The following MARK1 variants were observed in gnomAD, a reference collection of about 807,000 sequenced individuals.
The protein encoded by MARK1 is serine/threonine-protein kinase MARK1.
A neutral mutation model predicts 96.3 loss-of-function variants in MARK1; 40 were observed. The ratio of observed to expected loss-of-function variants is 0.42; its 90% confidence interval spans 0.32 to 0.54. MARK1 has a LOEUF of 0.54. MARK1 is among the 20% of genes least tolerant of loss of function. The pLI is 0.16. For synonymous variants in MARK1, 317 were observed against 341.2 expected (o/e 0.93, Z 0.78); for missense variants, 719 against 984.6 (o/e 0.73, Z 3.61).
intron 3 of MARK1, among the ~76,000 whole-genome samples, chr1:220,597,659 A>G (rs141889432): frequency 6.6e-6 from 1 of 152,302 alleles, no homozygotes; most frequent in East Asian, 1.9e-4. Context: ...AAATTGCTTT[A>G]TTTGGAAGCT....
chr1:220,634,040 C>G (rs1168202849), intron 11 of MARK1, among the ~76,000 whole-genome samples: 1 of 152,230 alleles, frequency 6.6e-6, no homozygotes, highest in East Asian at 1.9e-4. Flanking sequence ...GTGAACCTAC[C>G]AGGTAGGTAC....
intron 3 of MARK1, among the ~76,000 whole-genome samples, chr1:220,591,131 C>A (rs906938538): frequency 2.6e-5 from 4 of 152,172 alleles, no homozygotes; most frequent in African/African-American, 9.7e-5. Context: ...AACGGAATAA[C>A]TGCATTCCAG....
chr1:220,617,010 G>A (rs1338933170), intron 7 of MARK1, among the ~76,000 whole-genome samples: 1 of 152,116 alleles, frequency 6.6e-6, no homozygotes, highest in African/African-American at 2.4e-5. Context: ...TCTCTTCTGA[G>A]GCAGCTTGGA....
At chr1:220,607,325 T>A (rs1666142588) in intron 6 of MARK1, among the ~76,000 whole-genome samples, 1 of 152,128 alleles carries the variant, frequency 6.6e-6, no homozygotes, top group South Asian at 2.1e-4. Context: ...TCTCTGTTTG[T>A]CTGTTATTGG....
intron 5 of MARK1, among the ~76,000 whole-genome samples, chr1:220,602,665 A>G (rs1572157838): frequency 6.6e-6 from 1 of 152,152 alleles, no homozygotes; most frequent in African/African-American, 2.4e-5. Context: ...AACTACTATG[A>G]TGAGTCAACT....
chr1:220,589,744 A>G (rs1348457233), intron 3 of MARK1, among the ~76,000 whole-genome samples: 1 of 152,228 alleles, frequency 6.6e-6, no homozygotes, highest in Non-Finnish European at 1.5e-5. Flanking sequence ...TCTTTTACTA[A>G]ATTTACATTT....
chr1:220,548,755 C>G lies in MARK1; in HGVS notation c.51+19882C>G, dbSNP rs1271773682. The stretch of plus-strand genomic sequence containing the variant: ...TGGGTGGACAGTAAGACTCCCATCT[C>G]AGAAAAAAAATATAATAATAATAAT... On this transcript the variant is annotated intron_variant, in intron 1 of 17. Transcript: ENST00000366917. 2.0e-5 allele frequency among the ~76,000 whole-genome samples: 3 copies of G among 151,304 alleles called. No homozygotes were observed. In the East Asian group the frequency reaches 5.8e-4, roughly 29 times the overall value.
chr1:220,566,319 A>G (rs1663055153), intron 1 of MARK1, among the ~76,000 whole-genome samples: 2 of 152,288 alleles, frequency 1.3e-5, no homozygotes, highest in South Asian at 4.1e-4. Flanking sequence ...AAGAACCACC[A>G]TTTAAGGCAT....
chr1:220,626,975 A>T, intron 9 of MARK1: 1 of 516,448 alleles, frequency 1.9e-6, no homozygotes, highest in South Asian at 1.6e-5. Flanking sequence ...GGATACAGAG[A>T]TCCCTAATGA....
intron 3 of MARK1, among the ~76,000 whole-genome samples, chr1:220,587,333 C>G (rs36088631): frequency 4.7e-5 from 3 of 63,652 alleles, no homozygotes; most frequent in South Asian, 5.7e-4. Flanking sequence ...CTTTCTTTCT[C>G]TCTCTCTCTC....
In MARK1 at chr1:220,631,104, G is replaced by A. The variant is rs748437550; in HGVS notation, c.979G>A (p.Asp327Asn). The A allele has an allele frequency of 3.7e-6, 6 of 1,612,618 alleles. No homozygotes were observed. In the African/African-American group the frequency reaches 8.0e-5, roughly 22 times the overall value. ...EEELKPYTEPDPDFNDTKRID... is the reference protein window; with the variant it reads ...EEELKPYTEPNPDFNDTKRID... ...AGAACTAAAGCCATATACTGAGCCT[G>A]ATCCGGATTTCAATGACACAAAAAG... Residue 327 changes from aspartate (D) to asparagine (N), a missense_variant, in exon 10 of 18, where the codon GAT (aspartate) becomes AAT (asparagine). Asp to Asn is a conservative substitution (Grantham distance 23). Around this residue, in one of 4 missense-constraint regions of MARK1, gnomAD observed 501 missense variants for 588.3 expected, o/e 0.85. Transcript: ENST00000366917.
intron 6 of MARK1, among the ~76,000 whole-genome samples, chr1:220,610,369 G>A (rs746135307): frequency 6.6e-6 from 1 of 152,212 alleles, no homozygotes; most frequent in Middle Eastern, 3.4e-3. Flanking sequence ...CTTGCATCAC[G>A]AAGTTCTCGC....
chr1:220,658,737 A>T (rs1437547347), intron 17 of MARK1, among the ~76,000 whole-genome samples: 2 of 152,242 alleles, frequency 1.3e-5, no homozygotes, highest in African/African-American at 2.4e-5. Flanking sequence ...AATATAAAAC[A>T]TAATTAACTT....
chr1:220,528,925 A>T (rs780522125), intron 1 of MARK1, 52 bp downstream of exon 1: 1 of 1,497,754 alleles, frequency 6.7e-7, no homozygotes. Flanking sequence ...CCCTCCTCTG[A>T]TCCCCACTTC....
chr1:220,542,561 TG>T (rs1661217060), intron 1 of MARK1, among the ~76,000 whole-genome samples: 2 of 152,286 alleles, frequency 1.3e-5, no homozygotes, highest in Non-Finnish European at 2.9e-5. Context: ...CCTACTGACG[TG>T]GGGCACTTTA....
At chr1:220,635,644 T>A in intron 12 of MARK1, 115 bp downstream of exon 12, 1 of 1,243,766 alleles carries the variant, frequency 8.0e-7, no homozygotes, top group Non-Finnish European at 1.1e-6. Context: ...TCTCACAGAC[T>A]TATATTACTG....
chr1:220,664,166 TA>T lies in MARK1; in HGVS notation c.*2001del, dbSNP rs895897673. The T allele has an allele frequency of 2.6e-5, 4 of 152,342 alleles. No homozygotes were observed. Among genetic ancestry groups the T allele is most frequent in the Non-Finnish European group, 4.4e-5 (3 of 68,032 alleles). The allele number at this position is 152,342 out of a possible 1,614,324, so 9.4% of individuals were successfully genotyped here. On this transcript the variant is annotated 3_prime_UTR_variant, in exon 18 of 18. Coordinates refer to ENST00000366917, the MANE Select transcript of MARK1 (RefSeq NM_018650.5). ...ATGTGTTTTCCACGGTAGAAACTGA[TA>T]TTTTTTTACATTTTCTCACTGTGGC...
intron 9 of MARK1, chr1:220,625,699 C>G (rs1667285809): frequency 5.1e-6 from 2 of 389,146 alleles, no homozygotes; most frequent in Admixed American, 3.2e-5. Flanking sequence ...TTAAACATTA[C>G]TGTTGAGACC....
At chr1:220,642,660 G>A (rs564490479) in intron 13 of MARK1, among the ~76,000 whole-genome samples, 1 of 152,336 alleles carries the variant, frequency 6.6e-6, no homozygotes, top group Non-Finnish European at 1.5e-5. Context: ...GTGATACTGT[G>A]CTTTTTGTCT....
Sources: allele counts gnomAD v4.1 joint callset (sites outside exome capture counted in the v4.1 genomes callset), GRCh38; gene constraint gnomAD v4.1.1; regional missense constraint gnomAD v4.1.1; transcripts MANE v1.5; gene names NCBI Gene and HGNC (gene_info 2026-07-23, HGNC 2026-07-21).